Variants in UVSSA observed in about 807,000 individuals in gnomAD.
UVSSA encodes UV-stimulated scaffold protein A.
UVSSA carries 72 observed loss-of-function variants against 73.9 expected under a neutral mutation model. The observed-to-expected ratio is 0.97, with a 90% CI of 0.81 to 1.19. UVSSA has a LOEUF of 1.19. Ranked by LOEUF, UVSSA falls within the 50% of genes most tolerant of loss-of-function variation. UVSSA has a pLI of 0.00. For missense variants in UVSSA, 1,150 were observed against 965.0 expected, an observed-to-expected ratio of 1.19 and a Z score of -2.54; for synonymous variants, 454 against 391.3, an observed-to-expected ratio of 1.16 and a Z score of -1.89.
Position 1,385,993 on chromosome 4 carries a change from C to A in UVSSA, c.*32C>A, listed in dbSNP as rs1442892445. The A allele has an allele frequency of 6.2e-7, 1 of 1,608,370 alleles. No homozygotes were observed. The highest frequency in any genetic ancestry group is 8.5e-7 in the Non-Finnish European group (1 of 1,175,100). ...GGGCCCAGTGCACTGGCCATCAGCA[C>A]TTTCTCCCTCTGCCAGTGTCTCAGG... On this transcript the variant is annotated 3_prime_UTR_variant, in exon 14 of 14. Transcript: ENST00000389851.
At chr4:1,391,208 A>G (rs1266374435), downstream of UVSSA, 1 of 145,822 alleles carries the variant, frequency 6.9e-6, no homozygotes, top group Non-Finnish European at 1.5e-5. Context: ...GTAGTGTTGT[A>G]TAGATGCCTG....
chr4:1,375,224 C>A, intron 8 of UVSSA, 140 bp from the exon 9 acceptor site: 1 of 1,376,474 alleles, frequency 7.3e-7, no homozygotes, highest in Non-Finnish European at 1.0e-6. Flanking sequence ...CCGTGAGGAG[C>A]AGATAGCAGG....
rs150258108 is a variant in UVSSA at position 1,368,716 on chromosome 4, G to C, written c.1288+2285G>C. ...AGTCCCGGCTAAGCCTCACCCGTAG[G>C]CTGTCCCAGCCTGACCCTGGTTGTG... On this transcript the variant is annotated intron_variant, in intron 8 of 13. Coordinates refer to ENST00000389851, the MANE Select transcript of UVSSA (RefSeq NM_020894.4). Among the ~76,000 whole-genome samples, 532 of 152,364 alleles carry C rather than the reference G, an allele frequency of 3.5e-3. 4 individuals are homozygous for C. The highest frequency in any genetic ancestry group is 0.012 in the African/African-American group (514 of 41,584).
chr4:1,370,013 A>G (rs180918886), intron 8 of UVSSA, among the ~76,000 whole-genome samples: 87 of 152,084 alleles, frequency 5.7e-4, no homozygotes, highest in African/African-American at 2.0e-3. Context: ...TTTTGCTTTG[A>G]AAGTATGTCA....
intron 7 of UVSSA, chr4:1,358,620 C>T (rs984097728): frequency 6.6e-6 from 1 of 152,300 alleles, no homozygotes; most frequent in South Asian, 2.1e-4. Context: ...CTGCCCATCT[C>T]CCTCCTGGCT....
chr4:1,356,883 T>C (rs9992100), intron 7 of UVSSA: 151,505 of 152,628 alleles, frequency 0.99, 75,196 homozygotes, highest in East Asian at 1. Flanking sequence ...GTGCACCTGC[T>C]GCCCTGGACT....
At chr4:1,372,354 C>T (rs1038881469) in intron 8 of UVSSA, among the ~76,000 whole-genome samples, 1 of 152,218 alleles carries the variant, frequency 6.6e-6, no homozygotes, top group Non-Finnish European at 1.5e-5. Context: ...GGCACTTTCT[C>T]TCCGACTTCT....
At chr4:1,357,857 G>A (rs1716016523) in intron 7 of UVSSA, 1 of 152,314 alleles carries the variant, frequency 6.6e-6, no homozygotes, top group Non-Finnish European at 1.5e-5. Flanking sequence ...TGGTCTGTGG[G>A]GGCCAGGGCC....
At chr4:1,395,869 A>C in exon 14 of UVSSA, 1 of 1,608,092 alleles carries the variant, frequency 6.2e-7, no homozygotes, top group Non-Finnish European at 8.5e-7. Context: ...TAGGGATGAG[A>C]TGGAAGAGGA....
intron 8 of UVSSA, 81 bp from the exon 9 acceptor site, chr4:1,375,283 C>T (rs979020395): frequency 1.5e-5 from 23 of 1,579,276 alleles, no homozygotes; most frequent in East Asian, 6.7e-5. Context: ...CGCATAGGCG[C>T]GTCCTAACTG....
intron 3 of UVSSA, among the ~76,000 whole-genome samples, chr4:1,351,398 T>C (rs1418016962): frequency 7.0e-6 from 1 of 142,248 alleles, no homozygotes; most frequent in African/African-American, 2.6e-5. Flanking sequence ...TTTTTTTTTT[T>C]TCTTTGAGAC....
Position 1,386,159 on chromosome 4 carries a change from T to C in UVSSA, c.*198T>C. 3.3e-6 allele frequency: 2 copies of C among 603,382 alleles called. No homozygotes were observed. Among genetic ancestry groups the C allele is most frequent in the East Asian group, 6.1e-5 (2 of 32,978 alleles). 37.4% of individuals were successfully genotyped at this position (603,382 alleles called of 1,614,324 possible). A position where few individuals can be genotyped will look rare whatever the true frequency, so the allele number is the denominator to read the frequency against. ...GTTCGGCATCGTCTGGTGATGGGTC[T>C]GGCCTCGCAGAAGAGGCCCTCGGGC... On this transcript the variant is annotated 3_prime_UTR_variant, in exon 14 of 14. Coordinates refer to ENST00000389851, the MANE Select transcript of UVSSA (RefSeq NM_020894.4).
At chr4:1,388,381 T>C (rs1720303656), downstream of UVSSA, 1 of 152,238 alleles carries the variant, frequency 6.6e-6, no homozygotes, top group African/African-American at 2.4e-5. Flanking sequence ...ATTAGTTGTA[T>C]GTTCCCTAAG....
intron 7 of UVSSA, chr4:1,356,534 C>T (rs2336081): frequency 0.76 from 116,246 of 152,270 alleles, 45,399 homozygotes; most frequent in African/African-American, 0.93. Flanking sequence ...GGAAATACTT[C>T]TGTGAGTTGT....
intron 7 of UVSSA, among the ~76,000 whole-genome samples, chr4:1,361,817 A>C (rs748243962): frequency 6.6e-6 from 1 of 151,878 alleles, no homozygotes; most frequent in Non-Finnish European, 1.5e-5. Context: ...GACAAATGCA[A>C]TTTGGAACTC....
chr4:1,352,542 T>C (rs2109081639), intron 4 of UVSSA, among the ~76,000 whole-genome samples: 1 of 152,354 alleles, frequency 6.6e-6, no homozygotes, highest in African/African-American at 2.4e-5. Flanking sequence ...AGCCGTGTCC[T>C]GGGAAGTGCA....
At chr4:1,379,374 C>T (rs1396914646) in intron 10 of UVSSA, among the ~76,000 whole-genome samples, 1 of 152,334 alleles carries the variant, frequency 6.6e-6, no homozygotes, top group South Asian at 2.1e-4. Context: ...CCTCTGAGGC[C>T]GGCCTCCTCT....
chr4:1,377,526 G>T lies in UVSSA; in HGVS notation c.1568+1358G>T, dbSNP rs375247645. Among the ~76,000 whole-genome samples the T allele has an allele frequency of 6.5e-4, 99 of 152,228 alleles. 3 individuals carry two copies. The South Asian group carries it at 0.016, about 24-fold the overall frequency. ...CTGTCCCTGTCACACATTGCCACCA[G>T]GGGTGCCCCAAGGCCAGTGCTTGGT... On this transcript the variant is annotated intron_variant, in intron 10 of 13. Transcript: ENST00000389851.
intron 11 of UVSSA, among the ~76,000 whole-genome samples, 187 bp downstream of exon 11, chr4:1,380,417 G>A (rs1719338438): frequency 1.3e-5 from 2 of 152,322 alleles, no homozygotes; most frequent in South Asian, 2.1e-4. Flanking sequence ...CATGGTGTCT[G>A]GGGCTCCTGC....
Sources: allele counts gnomAD v4.1 joint callset (sites outside exome capture counted in the v4.1 genomes callset), GRCh38; gene constraint gnomAD v4.1.1; transcripts MANE v1.5; gene names NCBI Gene and HGNC (gene_info 2026-07-23, HGNC 2026-07-21).